Variants in PHF21A observed in about 807,000 individuals in gnomAD.
PHF21A encodes PHD finger protein 21A, also known as BHC80a.
Under a neutral mutation model 82.5 loss-of-function variants are expected in PHF21A, and 11 were observed. That is an observed-to-expected ratio of 0.13 (90% CI 0.08 to 0.22). The LOEUF is 0.22. Ranked by LOEUF, PHF21A falls within the 10% of genes least tolerant of loss-of-function variation. The probability of loss-of-function intolerance (pLI) is 1.00; values close to 1 mark genes in which losing one functional copy is unlikely to be tolerated. For synonymous variants in PHF21A, 297 were observed against 302.8 expected, an observed-to-expected ratio of 0.98 and a Z score of 0.20; for missense variants, 579 against 837.8, an observed-to-expected ratio of 0.69 and a Z score of 3.81.
chr11:46,117,584 A>T (rs1851696686), intron 1 of PHF21A, among the ~76,000 whole-genome samples: 1 of 152,138 alleles, frequency 6.6e-6, no homozygotes, highest in African/African-American at 2.4e-5. Context: ...GAAGTCTAAA[A>T]TTTTTTCAAC....
In PHF21A at chr11:45,979,804, C is replaced by A. The variant is rs749381550; in HGVS notation, c.316G>T (p.Ala106Ser). The A allele has an allele frequency of 1.2e-6, 2 of 1,613,882 alleles. No individual in the cohort carries two copies. Among genetic ancestry groups the A allele is most frequent in the Admixed American group, 3.3e-5 (2 of 59,996 alleles). Residue 106 changes from alanine (A) to serine (S), a missense_variant, in exon 7 of 19, where the codon GCC becomes TCC. Around this residue, in one of 3 missense-constraint regions of PHF21A, gnomAD observed 410 missense variants for 642.1 expected, o/e 0.64. Coordinates refer to ENST00000676320, the MANE Select transcript of PHF21A (RefSeq NM_001352027.3). ...GGAGAGGCTGCAGCTGACTGCTGGG[C>A]GTGGTGGTGGTGGTACTGCTGCTGT... ...QQQQQYHHHH[A>S]QQSAAASPNL...
intron 15 of PHF21A, among the ~76,000 whole-genome samples, chr11:45,942,990 G>GT (rs2090630976): frequency 6.6e-6 from 1 of 151,932 alleles, no homozygotes; most frequent in African/African-American, 2.4e-5. Context: ...AAAAACTTTG[G>GT]TTTTCTCCTT....
At chr11:45,954,000 G>T (rs1238384717) in intron 10 of PHF21A, among the ~76,000 whole-genome samples, 1 of 152,084 alleles carries the variant, frequency 6.6e-6, no homozygotes, top group Non-Finnish European at 1.5e-5. Flanking sequence ...ATTTTTTGTT[G>T]TTGTTGTTGT....
chr11:45,979,358 G>T (rs756844656), intron 7 of PHF21A, among the ~76,000 whole-genome samples: 2 of 152,130 alleles, frequency 1.3e-5, no homozygotes, highest in Non-Finnish European at 2.9e-5. Context: ...CTGGTCCCAA[G>T]AGCACTGATC....
intron 3 of PHF21A, among the ~76,000 whole-genome samples, chr11:46,085,303 C>G (rs1419708741): frequency 6.6e-6 from 1 of 152,126 alleles, no homozygotes; most frequent in East Asian, 1.9e-4. Flanking sequence ...CATCTTCTTT[C>G]AAGCTTGCCA....
At chr11:45,943,145 C>G (rs1359949740) in intron 15 of PHF21A, among the ~76,000 whole-genome samples, 1 of 85,950 alleles carries the variant, frequency 1.2e-5, no homozygotes, top group Non-Finnish European at 2.3e-5. Flanking sequence ...TTTTTTGAGA[C>G]AGGGTCTTGT....
rs1050435321 is a variant in PHF21A at position 45,929,982 on chromosome 11, C to A, written c.*3986G>T. 5.9e-5 allele frequency: 9 copies of A among 152,220 alleles called. No homozygotes were observed. The highest frequency in any genetic ancestry group is 2.2e-4 in the African/African-American group (9 of 41,422). The allele number at this position is 152,220 out of a possible 1,614,324, so 9.4% of individuals were successfully genotyped here. ...AGTTGCCTCCACTCAACAGAAGCCA[C>A]GGGATCTGGAGAACCCAGGCCCTGG... On this transcript the variant is annotated 3_prime_UTR_variant, in exon 19 of 19. Transcript: ENST00000676320.
intron 6 of PHF21A, among the ~76,000 whole-genome samples, chr11:46,013,601 AT>A (rs1419334909): frequency 1.3e-5 from 2 of 152,178 alleles, no homozygotes; most frequent in African/African-American, 4.8e-5. Context: ...TAACAGGGAT[AT>A]GTCCTGAGAA....
At chr11:46,025,467 G>A (rs1482635200) in intron 6 of PHF21A, among the ~76,000 whole-genome samples, 1 of 152,220 alleles carries the variant, frequency 6.6e-6, no homozygotes, top group Non-Finnish European at 1.5e-5. Context: ...TAGCAGAGAT[G>A]TCATCTTCCT....
intron 6 of PHF21A, among the ~76,000 whole-genome samples, chr11:45,986,040 T>C (rs1488387444): frequency 6.9e-6 from 1 of 144,516 alleles, no homozygotes; most frequent in Non-Finnish European, 1.5e-5. Flanking sequence ...TTCGGCTTAC[T>C]TTTTTAATTA....
intron 10 of PHF21A, among the ~76,000 whole-genome samples, chr11:45,962,081 G>A (rs1366718471): frequency 2.0e-5 from 3 of 152,166 alleles, no homozygotes; most frequent in Non-Finnish European, 4.4e-5. Context: ...TTCCTTCCCT[G>A]GAGACACAGC....
Position 45,935,741 on chromosome 11 carries a change from T to TG in PHF21A, c.1685-3_1685-2insC. 1 of 463,968 alleles carries TG rather than the reference T, an allele frequency of 2.2e-6. No individual in the cohort carries two copies. The highest frequency in any genetic ancestry group is 2.6e-5 in the African/African-American group (1 of 37,750). 28.7% of individuals were successfully genotyped at this position (463,968 alleles called of 1,614,324 possible). A position where few individuals can be genotyped will look rare whatever the true frequency, so the allele number is the denominator to read the frequency against. ...ACTTCTGTTTCTCTTCTTCTTTTGC[T>TG]AAAAAAAAAAAAAAAAAAAAAAAGG... is the stretch of plus-strand genomic sequence containing the variant. On this transcript the variant is annotated splice_polypyrimidine_tract_variant and splice_region_variant and intron_variant, in intron 17 of 18. Coordinates refer to ENST00000676320, the MANE Select transcript of PHF21A (RefSeq NM_001352027.3).
chr11:45,994,264 T>C (rs957125011), intron 6 of PHF21A, among the ~76,000 whole-genome samples: 2 of 152,216 alleles, frequency 1.3e-5, no homozygotes, highest in Admixed American at 6.5e-5. Context: ...TAGCAAACTT[T>C]ACTTACCATC....
chr11:45,950,584 G>C (rs1451875940), intron 11 of PHF21A, among the ~76,000 whole-genome samples: 1 of 152,056 alleles, frequency 6.6e-6, no homozygotes, highest in Non-Finnish European at 1.5e-5. Flanking sequence ...TTACGAATTT[G>C]TGTGGGGCCG....
intron 6 of PHF21A, among the ~76,000 whole-genome samples, chr11:46,075,346 A>T (rs182668205): frequency 6.6e-5 from 10 of 152,178 alleles, no homozygotes; most frequent in Non-Finnish European, 1.2e-4. Context: ...ATCAGTTCTC[A>T]CCTTCTTCCC....
chr11:46,085,131 T>TA (rs2096841390), intron 3 of PHF21A, among the ~76,000 whole-genome samples: 1 of 152,130 alleles, frequency 6.6e-6, no homozygotes, highest in African/African-American at 2.4e-5. Context: ...TGGTATAACT[T>TA]AAACATTTAC....
intron 6 of PHF21A, among the ~76,000 whole-genome samples, chr11:46,050,014 CA>C (rs2096326107): frequency 6.6e-6 from 1 of 152,182 alleles, no homozygotes; most frequent in Non-Finnish European, 1.5e-5. Context: ...ACCACATGTT[CA>C]ATTTGCTGTA....
chr11:46,120,241 A>T (rs1852745008), intron 1 of PHF21A: 1 of 151,202 alleles, frequency 6.6e-6, no homozygotes, highest in African/African-American at 2.4e-5. Context: ...GTTTTCCAAA[A>T]AAAAATTTTT....
At chr11:46,064,497 T>G (rs1048627952) in intron 6 of PHF21A, among the ~76,000 whole-genome samples, 2 of 152,154 alleles carry the variant, frequency 1.3e-5, no homozygotes, top group African/African-American at 4.8e-5. Flanking sequence ...CTTCCTAAAC[T>G]TGGGAGTAAA....
Sources: gnomAD v4.1 joint callset for allele counts (sites outside exome capture counted in the v4.1 genomes callset) on GRCh38, gnomAD v4.1.1 for gene constraint, gnomAD v4.1.1 regional missense constraint, MANE v1.5 for transcripts, NCBI Gene and HGNC (gene_info 2026-07-23, HGNC 2026-07-21) for gene names.